Variants in MALRD1 observed in about 807,000 individuals in gnomAD.
MALRD1 encodes the protein MAM and LDL receptor class A domain containing 1.
A neutral mutation model predicts 242.1 loss-of-function variants in MALRD1; 247 were observed. The ratio of observed to expected loss-of-function variants is 1.02; its 90% confidence interval spans 0.92 to 1.13. The LOEUF (loss-of-function observed/expected upper bound fraction) is 1.13, where lower values mean the gene tolerates loss of function less well. Among genes scored for constraint, MALRD1 ranks in the 50% most tolerant of loss-of-function variants. The pLI is 0.00. For synonymous variants in MALRD1, 995 were observed against 866.6 expected (o/e 1.15, Z -2.60); for missense variants, 2,989 against 2,533.1 (o/e 1.18, Z -3.86).
Position 19,087,534 on chromosome 10 carries a change from G to A in MALRD1, c.341-306G>A, listed in dbSNP as rs116663508. 1.6e-3 allele frequency among the ~76,000 whole-genome samples: 221 copies of A among 135,498 alleles called. 1 individual carries two copies. The highest frequency in any genetic ancestry group is 6.0e-3 in the African/African-American group (200 of 33,448). The allele number at this position is 135,498 out of a possible 152,430, so 88.9% of individuals were successfully genotyped here. A position where few individuals can be genotyped will look rare whatever the true frequency, so the allele number is the denominator to read the frequency against. ...CCAGTGATCACTCTGAATCTAACAC[G>A]TTGTCTCGTTTCTTTTTTTTTTTTT... is the stretch of plus-strand genomic sequence containing the variant. On this transcript the variant is annotated intron_variant, in intron 2 of 39. Coordinates refer to ENST00000454679, the MANE Select transcript of MALRD1 (RefSeq NM_001142308.3).
intron 26 of MALRD1, among the ~76,000 whole-genome samples, chr10:19,362,706 G>C (rs1352552568): frequency 1.3e-5 from 2 of 152,106 alleles, no homozygotes; most frequent in African/African-American, 4.8e-5. Flanking sequence ...GAGCAAAATG[G>C]ATAAAACCCT....
chr10:19,717,878 A>G (rs1043539024), intron 38 of MALRD1, among the ~76,000 whole-genome samples: 2 of 152,128 alleles, frequency 1.3e-5, no homozygotes, highest in African/African-American at 4.8e-5. Flanking sequence ...TTAGTCAGGC[A>G]TGGTGGTGCA....
chr10:19,581,165 A>C (rs1453721255), intron 33 of MALRD1, among the ~76,000 whole-genome samples: 4 of 152,050 alleles, frequency 2.6e-5, no homozygotes, highest in African/African-American at 9.6e-5. Flanking sequence ...AATTGCAGCT[A>C]CTAAATTATA....
In MALRD1 at chr10:19,339,153, T is replaced by C. The variant is rs192516517; in HGVS notation, c.3901+7571T>C. ...AGCTCTACACTTAGTTTGGACTTTA[T>C]CCCAAGGCCATGCCTTCATGGTGGA... On this transcript the variant is annotated intron_variant, in intron 24 of 39. Transcript: ENST00000454679. Among the ~76,000 whole-genome samples, 115 of 152,182 alleles carry C rather than the reference T, an allele frequency of 7.6e-4. No homozygotes were observed. The East Asian group carries it at 0.015, about 20-fold the overall frequency.
intron 26 of MALRD1, among the ~76,000 whole-genome samples, chr10:19,385,847 C>A (rs887565668): frequency 6.6e-6 from 1 of 151,910 alleles, no homozygotes; most frequent in Non-Finnish European, 1.5e-5. Context: ...TCTTTTTTAA[C>A]GTAGGTATTT....
intron 29 of MALRD1, among the ~76,000 whole-genome samples, chr10:19,470,072 C>G (rs1385991090): frequency 6.6e-6 from 1 of 152,004 alleles, no homozygotes; most frequent in Non-Finnish European, 1.5e-5. Context: ...TCTTGCATAA[C>G]TGAACCTTTG....
intron 24 of MALRD1, among the ~76,000 whole-genome samples, chr10:19,340,750 G>T (rs1442975433): frequency 6.6e-6 from 1 of 152,054 alleles, no homozygotes; most frequent in Non-Finnish European, 1.5e-5. Flanking sequence ...TTTCCCACTG[G>T]ATGAAATGTG....
intron 28 of MALRD1, among the ~76,000 whole-genome samples, chr10:19,416,477 A>G (rs942604829): frequency 6.6e-6 from 1 of 152,068 alleles, no homozygotes; most frequent in Non-Finnish European, 1.5e-5. Flanking sequence ...ATCTTCATTG[A>G]TGTGAGTTCT....
At position 19,085,683 on chromosome 10, in the gene MALRD1, T is replaced by C. The variant is rs571043446; in HGVS notation, c.341-2157T>C. Among the ~76,000 whole-genome samples the C allele has an allele frequency of 2.0e-5, 3 of 152,092 alleles. No homozygotes were observed. In the South Asian group the frequency reaches 6.2e-4, roughly 32 times the overall value. On this transcript the variant is annotated intron_variant, in intron 2 of 39. Transcript: ENST00000454679. ...TATAAAACACTGTTTAAATATTAAA[T>C]AATTTACTCATGTGTGAGTTGAAAA...
intron 33 of MALRD1, 50 bp from the exon 34 acceptor site, chr10:19,595,144 G>T (rs1838014370): frequency 6.7e-7 from 1 of 1,501,724 alleles, no homozygotes; most frequent in Admixed American, 2.1e-5. Flanking sequence ...AACACTGGAT[G>T]GAGGGAAACT....
chr10:19,175,653 C>A (rs1270315356), intron 14 of MALRD1, among the ~76,000 whole-genome samples: 4 of 151,542 alleles, frequency 2.6e-5, no homozygotes, highest in East Asian at 3.9e-4. Context: ...ATATTCACTT[C>A]TCCATTAATT....
chr10:19,588,359 A>T (rs1005679682), intron 33 of MALRD1, among the ~76,000 whole-genome samples: 3 of 152,202 alleles, frequency 2.0e-5, no homozygotes, highest in African/African-American at 7.2e-5. Context: ...TTGAACACAC[A>T]TCTCATGCCA....
intron 12 of MALRD1, among the ~76,000 whole-genome samples, chr10:19,163,792 C>T (rs1014627112): frequency 6.6e-6 from 1 of 152,100 alleles, no homozygotes; most frequent in East Asian, 1.9e-4. Context: ...TTTAAGTCTC[C>T]ATAATGCAAA....
At position 19,148,787 on chromosome 10, in the gene MALRD1, AAAT is replaced by A. The variant is rs1274750355; in HGVS notation, c.1558+2445_1558+2447del. On this transcript the variant is annotated intron_variant, in intron 11 of 39. Coordinates refer to ENST00000454679, the MANE Select transcript of MALRD1 (RefSeq NM_001142308.3). ...AAAGGGCCAATTAAAAAAAAAAAAA[AAAT>A]ATATATATATATATATATATCTGGA... Among the ~76,000 whole-genome samples the A allele has an allele frequency of 7.3e-3, 623 of 84,996 alleles. 6 individuals carry two copies. The highest frequency in any genetic ancestry group is 0.026 in the Middle Eastern group (4 of 152). The allele number at this position is 84,996 out of a possible 152,430, so 55.8% of individuals were successfully genotyped here. A position where few individuals can be genotyped will look rare whatever the true frequency, so the allele number is the denominator to read the frequency against.
chr10:19,099,425 C>A (rs928235266), intron 4 of MALRD1, among the ~76,000 whole-genome samples: 1 of 152,088 alleles, frequency 6.6e-6, no homozygotes, highest in Non-Finnish European at 1.5e-5. Flanking sequence ...TGACCACTTA[C>A]GTCTATTCAG....
At chr10:19,175,664 T>C (rs913812767) in intron 14 of MALRD1, among the ~76,000 whole-genome samples, 1 of 151,822 alleles carries the variant, frequency 6.6e-6, no homozygotes, top group Non-Finnish European at 1.5e-5. Flanking sequence ...TCCATTAATT[T>C]TATTCAGAAC....
chr10:19,418,872 C>T (rs2130908464), intron 28 of MALRD1, among the ~76,000 whole-genome samples: 1 of 152,278 alleles, frequency 6.6e-6, no homozygotes, highest in Middle Eastern at 3.4e-3. Flanking sequence ...GGATTGGCCT[C>T]CTTTCATTCT....
At chr10:19,115,632 G>A (rs1836844804) in intron 5 of MALRD1, among the ~76,000 whole-genome samples, 1 of 151,378 alleles carries the variant, frequency 6.6e-6, no homozygotes, top group African/African-American at 2.4e-5. Context: ...TACCATATAT[G>A]TTTCTCTTTA....
At chr10:19,603,828 A>G (rs1040117267) in intron 34 of MALRD1, among the ~76,000 whole-genome samples, 8 of 152,132 alleles carry the variant, frequency 5.3e-5, no homozygotes, top group African/African-American at 1.9e-4. Context: ...TACTACTGTA[A>G]TTGTTCTGTG....
Sources: allele counts gnomAD v4.1 joint callset (sites outside exome capture counted in the v4.1 genomes callset), GRCh38; gene constraint gnomAD v4.1.1; transcripts MANE v1.5; gene names NCBI Gene and HGNC (gene_info 2026-07-23, HGNC 2026-07-21).